The following TFDP2 variants were observed in gnomAD, a reference collection of about 807,000 sequenced individuals.
TFDP2 encodes transcription factor Dp-2.
TFDP2 carries 17 observed loss-of-function variants against 59.3 expected under a neutral mutation model. The observed-to-expected ratio is 0.29, with a 90% CI of 0.20 to 0.43. The LOEUF (loss-of-function observed/expected upper bound fraction) is 0.43. Among genes scored for constraint, TFDP2 ranks in the 20% least tolerant of loss-of-function variants. The pLI, the probability that TFDP2 is intolerant of heterozygous loss-of-function variation, is 1.00. For missense variants in TFDP2, 391 were observed against 528.8 expected (o/e 0.74, Z 2.56); for synonymous variants, 180 against 194.7 (o/e 0.92, Z 0.63).
At chr3:142,127,056 G>A (rs1182251627) in intron 1 of TFDP2, among the ~76,000 whole-genome samples, 2 of 148,318 alleles carry the variant, frequency 1.3e-5, no homozygotes, top group African/African-American at 4.9e-5. Context: ...ATATCTATAA[G>A]ATGTAATGTA....
chr3:141,954,772 A>T (rs1936376391), intron 11 of TFDP2, among the ~76,000 whole-genome samples: 1 of 152,258 alleles, frequency 6.6e-6, no homozygotes, highest in Non-Finnish European at 1.5e-5. Context: ...CATACTCAGA[A>T]AATGTAATCT....
At chr3:142,091,177 T>A (rs1418010111) in intron 3 of TFDP2, among the ~76,000 whole-genome samples, 2 of 152,216 alleles carry the variant, frequency 1.3e-5, no homozygotes, top group African/African-American at 4.8e-5. Context: ...GCAGCCTTTT[T>A]GTTTAGCCCT....
At chr3:142,050,097 T>C (rs1423776639) in intron 3 of TFDP2, among the ~76,000 whole-genome samples, 2 of 151,398 alleles carry the variant, frequency 1.3e-5, no homozygotes, top group African/African-American at 4.9e-5. Flanking sequence ...TAAAACCCCA[T>C]CTCTACTAAA....
At chr3:142,079,377 C>A (rs1052244123) in intron 3 of TFDP2, among the ~76,000 whole-genome samples, 2 of 152,072 alleles carry the variant, frequency 1.3e-5, no homozygotes, top group Non-Finnish European at 2.9e-5. Context: ...AGCACACCTA[C>A]AAGATCTAGA....
chr3:142,078,856 A>T (rs1295643907), intron 3 of TFDP2, among the ~76,000 whole-genome samples: 1 of 152,170 alleles, frequency 6.6e-6, no homozygotes, highest in African/African-American at 2.4e-5. Context: ...CCTTTCAGAC[A>T]GAGAATTCAA....
At chr3:142,136,962 T>G (rs2062761044) in intron 1 of TFDP2, among the ~76,000 whole-genome samples, 1 of 152,148 alleles carries the variant, frequency 6.6e-6, no homozygotes, top group South Asian at 2.1e-4. Context: ...GCATCAAATC[T>G]ATAAATTACT....
chr3:142,063,946 T>C (rs749109010), intron 3 of TFDP2, among the ~76,000 whole-genome samples: 6 of 152,118 alleles, frequency 3.9e-5, no homozygotes, highest in Non-Finnish European at 7.4e-5. Flanking sequence ...CAGTAGTTTT[T>C]TGGTTTTTAG....
At chr3:141,959,549 G>T in intron 11 of TFDP2, 125 bp downstream of exon 11, 2 of 1,007,256 alleles carry the variant, frequency 2.0e-6, no homozygotes, top group Non-Finnish European at 3.0e-6. Context: ...AAGTGTTAAA[G>T]GTTTCAGTTT....
chr3:142,055,941 CTTTTTTTTTTT>C (rs529693273), intron 3 of TFDP2, among the ~76,000 whole-genome samples: 3 of 70,186 alleles, frequency 4.3e-5, no homozygotes, highest in Non-Finnish European at 7.0e-5. Context: ...TATTAAGTAC[CTTTTTTTTTTT>C]TTTTTTTTTT....
chr3:142,018,455 C>G (rs923136982), intron 3 of TFDP2, among the ~76,000 whole-genome samples: 1 of 151,902 alleles, frequency 6.6e-6, no homozygotes, highest in East Asian at 1.9e-4. Context: ...CATTAATCTA[C>G]TGTTTTTTAT....
At chr3:142,140,593 T>C (rs1577073200) in intron 1 of TFDP2, among the ~76,000 whole-genome samples, 1 of 152,248 alleles carries the variant, frequency 6.6e-6, no homozygotes. Flanking sequence ...CCTTTCTGTT[T>C]GTTAGTTTTC....
At chr3:142,065,931 A>G (rs2060062333) in intron 3 of TFDP2, among the ~76,000 whole-genome samples, 1 of 152,174 alleles carries the variant, frequency 6.6e-6, no homozygotes, top group African/African-American at 2.4e-5. Flanking sequence ...TAATGCAGGT[A>G]AAAGTTAGCA....
At chr3:142,085,717 A>G (rs1041249409) in intron 3 of TFDP2, among the ~76,000 whole-genome samples, 2 of 152,184 alleles carry the variant, frequency 1.3e-5, no homozygotes, top group Non-Finnish European at 2.9e-5. Flanking sequence ...ATGTGCATAT[A>G]ACGCCTCTTG....
rs140025671 is a variant in TFDP2, at chr3:142,050,293, T to A, written c.82+42768A>T. ...AAAAAAAAATAATAAAAAAAAAAGA[T>A]CCTTTATGATAATGGTTCTTGTTTT... On this transcript the variant is annotated intron_variant, in intron 3 of 12. Coordinates refer to ENST00000489671, the MANE Select transcript of TFDP2 (RefSeq NM_001178139.2). Among the ~76,000 whole-genome samples, 493 of 149,294 alleles carry A rather than the reference T, an allele frequency of 3.3e-3. 2 individuals are homozygous for A. Among genetic ancestry groups the A allele is most frequent in the African/African-American group, 0.011 (463 of 40,524 alleles).
At chr3:142,135,469 A>G (rs1256868631) in intron 1 of TFDP2, among the ~76,000 whole-genome samples, 1 of 151,810 alleles carries the variant, frequency 6.6e-6, no homozygotes, top group Non-Finnish European at 1.5e-5. Flanking sequence ...GGTTTGTTAC[A>G]CAGGTATACA....
At chr3:141,992,904 AAC>A (rs1344632020) in intron 6 of TFDP2, among the ~76,000 whole-genome samples, 2 of 152,260 alleles carry the variant, frequency 1.3e-5, no homozygotes, top group African/African-American at 2.4e-5. Flanking sequence ...TTTTTTACTT[AAC>A]AGACTACAAG....
chr3:142,123,149 G>C lies in TFDP2; in HGVS notation c.-92-21308C>G, dbSNP rs559527439. ...TGCTAATTTTTGTTGTTGTTGTTTT[G>C]AGACGGAGTCTCACTCTGACCGACG... On this transcript the variant is annotated intron_variant, in intron 1 of 12. Transcript: ENST00000489671. Among the ~76,000 whole-genome samples the C allele has an allele frequency of 6.6e-5, 10 of 152,138 alleles. 1 individual carries two copies. Among genetic ancestry groups the C allele is most frequent in the African/African-American group, 2.4e-4 (10 of 41,528 alleles).
chr3:141,992,077 A>AGAAAGAAG (rs1942841720), intron 6 of TFDP2, among the ~76,000 whole-genome samples: 2 of 145,900 alleles, frequency 1.4e-5, no homozygotes, highest in African/African-American at 2.5e-5. Context: ...AAAGAAAGAA[A>AGAAAGAAG]GAAGGAAGGA....
chr3:142,121,673 A>C lies in TFDP2; in HGVS notation c.-92-19832T>G, dbSNP rs887813439. 6.6e-6 allele frequency among the ~76,000 whole-genome samples: 1 copy of C among 152,102 alleles called. No homozygotes were observed. The highest frequency in any genetic ancestry group is 2.4e-5 in the African/African-American group (1 of 41,428). The stretch of plus-strand genomic sequence containing the variant: ...CATAGGCTATACAGATTGACTATAC[A>C]GTTTAGAAGACTCTTTCAAGGAGTA... On this transcript the variant is annotated intron_variant, in intron 1 of 12. Transcript: ENST00000489671. The surrounding 1 kb of genome is among the most constrained non-coding windows in gnomAD (Gnocchi z 4.3).
Sources: allele counts gnomAD v4.1 joint callset (sites outside exome capture counted in the v4.1 genomes callset), GRCh38; gene constraint gnomAD v4.1.1; non-coding constraint Gnocchi (gnomAD v3.1); transcripts MANE v1.5; gene names NCBI Gene and HGNC (gene_info 2026-07-23, HGNC 2026-07-21).